NUBPL: variants seen among roughly 807,000 people sequenced by gnomAD.
The protein encoded by NUBPL is NUBP iron-sulfur cluster assembly factor, mitochondrial.
In NUBPL, 31 loss-of-function variants were observed where a neutral mutation model predicts 45.7. The ratio of observed to expected loss-of-function variants is 0.68; its 90% CI spans 0.51 to 0.92. The LOEUF (loss-of-function observed/expected upper bound fraction) is 0.92. NUBPL is among the 40% of genes least tolerant of loss of function. The probability of loss-of-function intolerance (pLI) is 0.00; values close to 1 mark genes in which losing one functional copy is unlikely to be tolerated. For missense variants in NUBPL, 401 were observed against 398.7 expected, an observed-to-expected ratio of 1.01 and a Z score of -0.05; for synonymous variants, 144 against 140.9, an observed-to-expected ratio of 1.02 and a Z score of -0.15.
At chr14:31,763,799 G>A (rs11626492) in intron 6 of NUBPL, among the ~76,000 whole-genome samples, 45,894 of 151,828 alleles carry the variant, frequency 0.3, 7,626 homozygotes, top group South Asian at 0.41. Context: ...GTGTGCATTC[G>A]TCTTGTCAAA....
chr14:31,656,044 C>T (rs926076157), intron 4 of NUBPL, among the ~76,000 whole-genome samples: 2 of 152,208 alleles, frequency 1.3e-5, no homozygotes, highest in African/African-American at 4.8e-5. Flanking sequence ...ACACCTTCTA[C>T]ATCAGCACTT....
At chr14:31,693,753 T>C (rs2037143106) in intron 6 of NUBPL, among the ~76,000 whole-genome samples, 1 of 149,036 alleles carries the variant, frequency 6.7e-6, no homozygotes, top group African/African-American at 2.5e-5. Flanking sequence ...ATTAATTCAG[T>C]TTTCAGTTGG....
intron 6 of NUBPL, among the ~76,000 whole-genome samples, chr14:31,787,308 T>C (rs1456090901): frequency 6.6e-6 from 1 of 152,130 alleles, no homozygotes; most frequent in African/African-American, 2.4e-5. Flanking sequence ...ATATTGGGAC[T>C]CAAGTTATAT....
At chr14:31,640,052 C>T (rs2035638010) in intron 4 of NUBPL, among the ~76,000 whole-genome samples, 2 of 152,168 alleles carry the variant, frequency 1.3e-5, no homozygotes, top group South Asian at 4.1e-4. Flanking sequence ...GAGGCAGTGC[C>T]TCGCCCTGCT....
At chr14:31,654,262 A>G (rs2036085328) in intron 4 of NUBPL, 1 of 262,114 alleles carries the variant, frequency 3.8e-6, no homozygotes. Context: ...AAAATATTTT[A>G]TTACTTAAAA....
chr14:31,682,332 G>A (rs2139836405), intron 6 of NUBPL, among the ~76,000 whole-genome samples: 1 of 152,138 alleles, frequency 6.6e-6, no homozygotes, highest in East Asian at 1.9e-4. Context: ...TACTAATATA[G>A]CCACATTTGC....
At chr14:31,664,062 G>A (rs1207686891) in intron 4 of NUBPL, among the ~76,000 whole-genome samples, 1 of 152,192 alleles carries the variant, frequency 6.6e-6, no homozygotes, top group Admixed American at 6.5e-5. Flanking sequence ...GTATAGGAAT[G>A]CTTGTGATTT....
chr14:31,764,249 A>G (rs1203298902), intron 6 of NUBPL, among the ~76,000 whole-genome samples: 3 of 152,214 alleles, frequency 2.0e-5, no homozygotes, highest in Non-Finnish European at 4.4e-5. Flanking sequence ...TTATTTGGGT[A>G]GGATATAATG....
chr14:31,648,636 A>G (rs575196797), intron 4 of NUBPL, among the ~76,000 whole-genome samples: 18 of 152,358 alleles, frequency 1.2e-4, no homozygotes, highest in African/African-American at 4.3e-4. Context: ...AACTTGAAAT[A>G]TTTAATTCAA....
At chr14:31,608,335 C>T (rs2034658802) in intron 4 of NUBPL, among the ~76,000 whole-genome samples, 1 of 152,108 alleles carries the variant, frequency 6.6e-6, no homozygotes, top group Non-Finnish European at 1.5e-5. Context: ...GGGCGGATCA[C>T]CTGAGGTCAG....
At chr14:31,741,252 G>C (rs985962590) in intron 6 of NUBPL, among the ~76,000 whole-genome samples, 5 of 152,158 alleles carry the variant, frequency 3.3e-5, no homozygotes, top group African/African-American at 1.2e-4. Flanking sequence ...AGTGCAGGGG[G>C]CAGGGGGAAT....
At chr14:31,834,381 G>GT (rs1566589586) in intron 8 of NUBPL, among the ~76,000 whole-genome samples, 1 of 151,874 alleles carries the variant, frequency 6.6e-6, no homozygotes, top group Non-Finnish European at 1.5e-5. Context: ...GGGTTTCACC[G>GT]TGTTAGCCAG....
intron 3 of NUBPL, among the ~76,000 whole-genome samples, chr14:31,584,909 G>A (rs957022930): frequency 6.6e-6 from 1 of 152,114 alleles, no homozygotes; most frequent in Non-Finnish European, 1.5e-5. Context: ...GCTCTTTGGG[G>A]TCTCTTTTAT....
chr14:31,855,875 T>C (rs768092385), intron 10 of NUBPL, among the ~76,000 whole-genome samples: 2 of 152,186 alleles, frequency 1.3e-5, no homozygotes, highest in Non-Finnish European at 2.9e-5. Context: ...TTTGACAAAA[T>C]TATTTACCTT....
intron 4 of NUBPL, among the ~76,000 whole-genome samples, chr14:31,609,324 C>T (rs2034691057): frequency 6.6e-6 from 1 of 151,972 alleles, no homozygotes; most frequent in Non-Finnish European, 1.5e-5. Context: ...TAAGAAGAGA[C>T]AAAGAAGGTC....
chr14:31,562,503 G>A (rs2139437202), intron 2 of NUBPL, among the ~76,000 whole-genome samples: 1 of 151,850 alleles, frequency 6.6e-6, no homozygotes, highest in Admixed American at 6.5e-5. Context: ...TTCATAAGAT[G>A]GTTATTCAAA....
chr14:31,642,835 C>T (rs2035743556), intron 4 of NUBPL, among the ~76,000 whole-genome samples: 1 of 152,056 alleles, frequency 6.6e-6, no homozygotes, highest in Admixed American at 6.6e-5. Flanking sequence ...TTTCTTTCAT[C>T]AGTGTTTTAT....
At chr14:31,851,195 C>T (rs1310941946) in intron 10 of NUBPL, among the ~76,000 whole-genome samples, 1 of 151,308 alleles carries the variant, frequency 6.6e-6, no homozygotes, top group African/African-American at 2.4e-5. Context: ...AGATGTTGTT[C>T]CTTTGTTGAA....
Position 31,774,263 on chromosome 14 carries a change from T to A in NUBPL, c.514-13517T>A, listed in dbSNP as rs12590375. On this transcript the variant is annotated intron_variant, in intron 6 of 10. Transcript: ENST00000281081. The stretch of plus-strand genomic sequence containing the variant: ...GCCATTGCTTTGGAGAAGTGTAAGT[T>A]GACCCTATGGTCCTTAGACTTGGCT... Among the ~76,000 whole-genome samples the A allele has an allele frequency of 7.2e-5, 11 of 152,132 alleles. No individual in the cohort carries two copies. In the East Asian group the frequency reaches 7.7e-4, roughly 11 times the overall value.
Sources: allele counts gnomAD v4.1 joint callset (sites outside exome capture counted in the v4.1 genomes callset), GRCh38; gene constraint gnomAD v4.1.1; transcripts MANE v1.5; gene names NCBI Gene and HGNC (gene_info 2026-07-23, HGNC 2026-07-21).